The following CCDC187 variants were observed in gnomAD, a reference collection of about 807,000 sequenced individuals.
The protein encoded by CCDC187 is coiled-coil domain-containing protein 187.
Under a neutral mutation model 38.0 loss-of-function variants are expected in CCDC187, and 32 were observed. That is an observed-to-expected ratio of 0.84 (90% CI 0.64 to 1.13). The LOEUF (loss-of-function observed/expected upper bound fraction) is 1.13. Ranked by LOEUF, CCDC187 falls within the 50% of genes most tolerant of loss-of-function variation. The pLI, the probability that CCDC187 is intolerant of heterozygous loss-of-function variation, is 0.00. For synonymous variants in CCDC187, 333 were observed against 347.9 expected, an observed-to-expected ratio of 0.96 and a Z score of 0.48; for missense variants, 707 against 786.8, an observed-to-expected ratio of 0.90 and a Z score of 1.21.
chr9:136,278,378 G>A (rs1830973985), intron 10 of CCDC187, among the ~76,000 whole-genome samples: 1 of 152,182 alleles, frequency 6.6e-6, no homozygotes, highest in African/African-American at 2.4e-5. Flanking sequence ...GACATGAGCT[G>A]TTTGTTCCTG....
At chr9:136,279,198 C>G (rs1178755118) in intron 10 of CCDC187, among the ~76,000 whole-genome samples, 2 of 152,112 alleles carry the variant, frequency 1.3e-5, no homozygotes, top group Admixed American at 1.3e-4. Flanking sequence ...TTGGACAGCT[C>G]TGGTCTGGGT....
intron 17 of CCDC187, chr9:136,265,631 A>G (rs1564309328): frequency 6.6e-6 from 1 of 152,264 alleles, no homozygotes. Context: ...AGACAAAGCC[A>G]CTTGCTCAAG....
At chr9:136,255,814 A>G (rs1554760228) in intron 24 of CCDC187, 81 bp from the exon 25 acceptor site, 3 of 704,256 alleles carry the variant, frequency 4.3e-6, no homozygotes, top group African/African-American at 3.8e-5. Flanking sequence ...CAGGGACCCC[A>G]CCAGGCTCAG....
intron 5 of CCDC187, 134 bp downstream of exon 5, chr9:136,292,027 G>T: frequency 2.5e-6 from 1 of 397,652 alleles, no homozygotes; most frequent in Non-Finnish European, 4.4e-6. Context: ...TTTGGAGGGT[G>T]TTTGCAGGCT....
Position 136,254,982 on chromosome 9 carries a change from A to T in CCDC187, c.4846T>A (p.Ser1616Thr). The part of the protein sequence containing the change: ...SEEATVSSHT[S>T]PAGSVSSLSC... ...AGGCTGCTCACAGAGCCTGCTGGGG[A>T]GGTGTGGGATGACACCGTGGCTTCT... is the stretch of plus-strand genomic sequence containing the variant. Residue 1616 changes from serine (S) to threonine (T), a missense_variant, in exon 26 of 26, where the codon TCC becomes ACC. Coordinates refer to ENST00000638797, the MANE Select transcript of CCDC187 (RefSeq NM_001378188.1). The T allele has an allele frequency of 1.0e-6, 1 of 985,440 alleles. No homozygotes were observed. The highest frequency in any genetic ancestry group is 1.2e-6 in the Non-Finnish European group (1 of 829,938). The allele number at this position is 985,440 out of a possible 1,614,324, so 61.0% of individuals were successfully genotyped here. A position where few individuals can be genotyped will look rare whatever the true frequency, so the allele number is the denominator to read the frequency against.
At chr9:136,278,990 C>A (rs1830985701) in intron 10 of CCDC187, among the ~76,000 whole-genome samples, 1 of 152,230 alleles carries the variant, frequency 6.6e-6, no homozygotes, top group Non-Finnish European at 1.5e-5. Context: ...CTGGACAGAG[C>A]TAGTCTACAT....
At position 136,286,247 on chromosome 9, in the gene CCDC187, G is replaced by C. The variant is rs1332523833; in HGVS notation, c.2671C>G (p.Pro891Ala). ...ATPACPGALG[P>A]NWGRGAPGEW... ...CCAGGTGCCCCTCTGCCCCAGTTGG[G>C]CCCCAAGGCTCCAGGGCAGGCTGGG... Residue 891 changes from proline to alanine, a missense_variant, in exon 8 of 26, where the codon CCC (proline) becomes GCC (alanine). Physicochemically the swap from Pro to Ala is conservative, Grantham distance 27 (BLOSUM62 -1). Transcript: ENST00000638797. The C allele has an allele frequency of 5.0e-6, 2 of 398,446 alleles. No individual in the cohort carries two copies. The highest frequency in any genetic ancestry group is 4.1e-5 in the African/African-American group (2 of 48,634). 24.7% of individuals were successfully genotyped at this position (398,446 alleles called of 1,614,324 possible). A position where few individuals can be genotyped will look rare whatever the true frequency, so the allele number is the denominator to read the frequency against.
At chr9:136,305,980 G>A (rs1034509843), upstream of CCDC187, among the ~76,000 whole-genome samples, 7 of 152,328 alleles carry the variant, frequency 4.6e-5, no homozygotes, top group East Asian at 1.2e-3. Flanking sequence ...ACCCTCTGCC[G>A]ATGTTGTCCG....
Position 136,283,563 on chromosome 9 carries a change from C to T in CCDC187, c.2928-1900G>A, listed in dbSNP as rs939197157. ...ACGGTTCATGAATATGATTCCGCCT[C>T]CTGCTGTCTCTCTGCCGCCTCGGCA... On this transcript the variant is annotated intron_variant, in intron 9 of 25. Transcript: ENST00000638797. Among the ~76,000 whole-genome samples the T allele has an allele frequency of 9.9e-4, 151 of 152,368 alleles. 2 individuals are homozygous for T. In the East Asian group the frequency reaches 0.025, roughly 25 times the overall value.
rs1051795532 is a variant in CCDC187 at position 136,251,175 on chromosome 9, G to T, written c.*2419C>A. ...GGCCAACACGCTGCTCATCAACTCC[G>T]CATTCAAGAAGAGACCCTCAGATTC... On this transcript the variant is annotated 3_prime_UTR_variant, in exon 26 of 26. Transcript: ENST00000638797. 5.4e-6 allele frequency: 2 copies of T among 372,662 alleles called. No individual in the cohort carries two copies. The highest frequency in any genetic ancestry group is 1.1e-5 in the Non-Finnish European group (2 of 181,738). The allele number at this position is 372,662 out of a possible 1,614,324, so 23.1% of individuals were successfully genotyped here. A position where few individuals can be genotyped will look rare whatever the true frequency, so the allele number is the denominator to read the frequency against.
Position 136,250,307 on chromosome 9 carries a change from G to A in CCDC187, c.*3287C>T, listed in dbSNP as rs1034327386. The A allele has an allele frequency of 1.2e-5, 2 of 171,064 alleles. No individual in the cohort carries two copies. The highest frequency in any genetic ancestry group is 2.5e-5 in the Non-Finnish European group (2 of 78,966). 10.6% of individuals were successfully genotyped at this position (171,064 alleles called of 1,614,324 possible). A position where few individuals can be genotyped will look rare whatever the true frequency, so the allele number is the denominator to read the frequency against. On this transcript the variant is annotated 3_prime_UTR_variant, in exon 26 of 26. Coordinates refer to ENST00000638797, the MANE Select transcript of CCDC187 (RefSeq NM_001378188.1). ...GCACCCTACCACCTGCCAGCGACGCGAGGCACCTGCTGGGCTCCCAGGGAA... is the reference window on the plus strand; with the variant it reads ...GCACCCTACCACCTGCCAGCGACGCAAGGCACCTGCTGGGCTCCCAGGGAA...
At position 136,251,868 on chromosome 9, in the gene CCDC187, C is replaced by T. The variant is rs1411433251; in HGVS notation, c.*1726G>A. The stretch of plus-strand genomic sequence containing the variant: ...AAGAGCCGGCCACCCACCCGGTCCA[C>T]CCCGGGAAGGTCCAGGCGACCGTCC... On this transcript the variant is annotated 3_prime_UTR_variant, in exon 26 of 26. Transcript: ENST00000638797. 6.8e-6 allele frequency: 1 copy of T among 146,220 alleles called. No homozygotes were observed. The highest frequency in any genetic ancestry group is 1.5e-5 in the Non-Finnish European group (1 of 65,608). The allele number at this position is 146,220 out of a possible 1,614,324, so 9.1% of individuals were successfully genotyped here. A position where few individuals can be genotyped will look rare whatever the true frequency, so the allele number is the denominator to read the frequency against.
chr9:136,265,864 T>G (rs1830737770), intron 17 of CCDC187, 92 bp downstream of exon 17: 1 of 623,952 alleles, frequency 1.6e-6, no homozygotes, highest in African/African-American at 2.0e-5. Context: ...TTAGCTCTGT[T>G]GCTGGGGAAT....
chr9:136,292,724 A>G (rs1167554662), intron 4 of CCDC187, among the ~76,000 whole-genome samples: 6 of 152,146 alleles, frequency 3.9e-5, no homozygotes, highest in African/African-American at 7.2e-5. Flanking sequence ...CGTGCTGCAC[A>G]TCGGGCTCCG....
In CCDC187 at chr9:136,291,095, C is replaced by G. The variant is rs1361255413; in HGVS notation, c.1518G>C (p.Gly506=). The change falls in exon 6 of 26, where the codon GGG becomes GGC. Residue 506 remains glycine (G), a synonymous_variant. Transcript: ENST00000638797. ...GQACSPQRAW[G]AQRQGPSSQR... ...GGGAGGAGGGGCCCTGTCTTTGGGCCCCCCAGGCCCTCTGCGGACTGCAGG... is the reference window on the plus strand; with the variant it reads ...GGGAGGAGGGGCCCTGTCTTTGGGCGCCCCAGGCCCTCTGCGGACTGCAGG... 7.5e-6 allele frequency: 3 copies of G among 398,318 alleles called. No homozygotes were observed. Among genetic ancestry groups the G allele is most frequent in the African/African-American group, 6.2e-5 (3 of 48,560 alleles). The allele number at this position is 398,318 out of a possible 1,614,324, so 24.7% of individuals were successfully genotyped here.
intron 3 of CCDC187, among the ~76,000 whole-genome samples, chr9:136,299,831 A>G (rs1402742988): frequency 1.3e-5 from 2 of 152,138 alleles, no homozygotes; most frequent in African/African-American, 4.8e-5. Flanking sequence ...AAGACGGAAA[A>G]GTGAGCCCAG....
At chr9:136,298,211 G>A (rs1831582630) in intron 3 of CCDC187, among the ~76,000 whole-genome samples, 2 of 152,204 alleles carry the variant, frequency 1.3e-5, no homozygotes, top group Admixed American at 1.3e-4. Context: ...ACTCAGGACT[G>A]TTTGCTGACT....
intron 4 of CCDC187, among the ~76,000 whole-genome samples, chr9:136,296,882 G>A (rs1564326733): frequency 2.0e-5 from 3 of 152,150 alleles, no homozygotes; most frequent in South Asian, 2.1e-4. Context: ...GAAATTAATC[G>A]TAATGCAAGC....
In CCDC187 at chr9:136,255,637, G is replaced by T. The variant is rs1463490202; in HGVS notation, c.4693+20C>A. The T allele has an allele frequency of 6.1e-6, 6 of 977,414 alleles. No individual in the cohort carries two copies. The highest frequency in any genetic ancestry group is 6.1e-5 in the Admixed American group (1 of 16,262). The allele number at this position is 977,414 out of a possible 1,614,324, so 60.5% of individuals were successfully genotyped here. A position where few individuals can be genotyped will look rare whatever the true frequency, so the allele number is the denominator to read the frequency against. On this transcript the variant is annotated intron_variant, in intron 25 of 25. Coordinates refer to ENST00000638797, the MANE Select transcript of CCDC187 (RefSeq NM_001378188.1). ...TGGGGACTCGATGGCTGAAGGAGGG[G>T]CTGGGGGCTGGGGCATTACCTGGGG...
Sources: gnomAD v4.1 joint callset for allele counts (sites outside exome capture counted in the v4.1 genomes callset) on GRCh38, gnomAD v4.1.1 for gene constraint, MANE v1.5 for transcripts, NCBI Gene and HGNC (gene_info 2026-07-23, HGNC 2026-07-21) for gene names.